Variants in DNAH5 observed in about 807,000 individuals in gnomAD.
DNAH5 encodes dynein axonemal heavy chain 5.
A neutral mutation model predicts 518.2 loss-of-function variants in DNAH5; 372 were observed. That is an observed-to-expected ratio of 0.72 (90% confidence interval 0.66 to 0.78). The LOEUF is 0.78. Ranked by LOEUF, DNAH5 falls within the 30% of genes least tolerant of loss-of-function variation. DNAH5 has a pLI of 0.00. For synonymous variants in DNAH5, 2,039 were observed against 2,025.9 expected, an observed-to-expected ratio of 1.01 and a Z score of -0.17; for missense variants, 5,523 against 5,687.0, an observed-to-expected ratio of 0.97 and a Z score of 0.93.
intron 1 of DNAH5, among the ~76,000 whole-genome samples, chr5:14,009,233 C>T (rs1309163432): frequency 1.3e-5 from 2 of 152,160 alleles, no homozygotes; most frequent in African/African-American, 4.8e-5. Flanking sequence ...AAGAGCTTAG[C>T]GTGACTAAAG....
intron 1 of DNAH5, among the ~76,000 whole-genome samples, chr5:13,975,437 G>A (rs1179245159): frequency 6.6e-6 from 1 of 152,212 alleles, no homozygotes; most frequent in Non-Finnish European, 1.5e-5. Flanking sequence ...AACAACAGAT[G>A]CCAGCCCATA....
At chr5:14,007,854 T>C (rs1784823906) in intron 1 of DNAH5, among the ~76,000 whole-genome samples, 1 of 151,938 alleles carries the variant, frequency 6.6e-6, no homozygotes, top group African/African-American at 2.4e-5. Context: ...AAAGGGGAAT[T>C]TGAAAAAAAG....
At chr5:13,906,956 A>AG (rs1775384884) in intron 12 of DNAH5, among the ~76,000 whole-genome samples, 1 of 152,224 alleles carries the variant, frequency 6.6e-6, no homozygotes, top group Non-Finnish European at 1.5e-5. Flanking sequence ...CAAAGAAAGA[A>AG]GAAAAAAATG....
chr5:13,962,719 T>C (rs1322052239), intron 1 of DNAH5, among the ~76,000 whole-genome samples: 1 of 152,156 alleles, frequency 6.6e-6, no homozygotes, highest in Non-Finnish European at 1.5e-5. Flanking sequence ...ATAAAGGGGA[T>C]GGAACGGGTT....
At chr5:13,817,085 T>G (rs1194415074) in intron 42 of DNAH5, among the ~76,000 whole-genome samples, 1 of 152,238 alleles carries the variant, frequency 6.6e-6, no homozygotes, top group Non-Finnish European at 1.5e-5. Context: ...ACAGAATAAT[T>G]TATTAGTTCA....
intron 69 of DNAH5, 125 bp from the exon 70 acceptor site, chr5:13,727,781 T>G: frequency 9.3e-7 from 1 of 1,071,816 alleles, no homozygotes; most frequent in Non-Finnish European, 1.4e-6. Flanking sequence ...CCTTGGCTAT[T>G]TTTTTATTTT....
chr5:13,732,426 G>A (rs1369249979), intron 68 of DNAH5, among the ~76,000 whole-genome samples: 3 of 152,116 alleles, frequency 2.0e-5, no homozygotes. Context: ...GAGTGCAGTG[G>A]CGCAATCTCG....
chr5:13,848,234 T>C (rs1766317134), intron 31 of DNAH5, among the ~76,000 whole-genome samples: 2 of 152,216 alleles, frequency 1.3e-5, no homozygotes, highest in African/African-American at 2.4e-5. Flanking sequence ...TCTAAATCTT[T>C]ATGTTAGAAG....
rs10078391 is a variant in DNAH5 at position 13,811,666 on chromosome 5, T to C, written c.7388A>G (p.Gln2463Arg). 0.21 allele frequency: 338,276 copies of C among 1,613,578 alleles called. 38,153 individuals are homozygous for C. The highest frequency in any genetic ancestry group is 0.5 in the East Asian group (22,562 of 44,836). The change falls in exon 44 of 79, where the codon CAA becomes CGA. Residue 2463 changes from glutamine to arginine, a missense_variant. Transcript: ENST00000265104. ...ATTTACCTTCAGAGGAATCAGGCCT[T>C]GAAGCATGTTAATGCTCTGTGTGAT... ...FVITQSINML[Q>R]GLIPLKEQGG...
chr5:13,728,711 G>A (rs1285014938), intron 69 of DNAH5, among the ~76,000 whole-genome samples: 1 of 152,146 alleles, frequency 6.6e-6, no homozygotes, highest in East Asian at 1.9e-4. Flanking sequence ...AGGAAGTCAA[G>A]AACCAACTTT....
At position 13,770,750 on chromosome 5, in the gene DNAH5, T is replaced by C. The variant is rs1198583000; in HGVS notation, c.9604A>G (p.Arg3202Gly). The part of the protein sequence containing the change: ...KHVEVRTLAN[R>G]MNTGLEKLKE... Reference sequence around the variant, plus strand: ...TTTGTATAAGAACATCACACTTACCTGTTGGCCAGGGTCCGCACCTCCACA... The same window carrying C: ...TTTGTATAAGAACATCACACTTACCCGTTGGCCAGGGTCCGCACCTCCACA... The change falls in exon 56 of 79, where the codon AGA becomes GGA. Residue 3202 changes from arginine to glycine, a missense_variant and splice_region_variant. By Grantham distance (125) the Arg-to-Gly change is moderately radical. Around this residue, in one of 3 missense-constraint regions of DNAH5, gnomAD observed 5,121 missense variants for 5,223.3 expected, o/e 0.98. Transcript: ENST00000265104. The C allele has an allele frequency of 1.2e-6, 2 of 1,613,016 alleles. No individual in the cohort carries two copies. The highest frequency in any genetic ancestry group is 2.7e-5 in the African/African-American group (2 of 74,892).
Position 13,886,181 on chromosome 5 carries a change from T to C in DNAH5, c.2578-52A>G, listed in dbSNP as rs905176784. The C allele has an allele frequency of 5.3e-6, 8 of 1,518,654 alleles. No individual in the cohort carries two copies. The Admixed American group carries it at 7.8e-5, about 15-fold the overall frequency. 94.1% of individuals were successfully genotyped at this position (1,518,654 alleles called of 1,614,324 possible). ...ATAGCACAGTGGTATATGGTTTATC[T>C]AGCTTTTGAGAGCACAGAAACAGTG... is the stretch of plus-strand genomic sequence containing the variant. On this transcript the variant is annotated intron_variant, in intron 17 of 78. Transcript: ENST00000265104.
chr5:13,954,446 C>G (rs1037971934), intron 1 of DNAH5, among the ~76,000 whole-genome samples: 1 of 152,188 alleles, frequency 6.6e-6, no homozygotes, highest in Non-Finnish European at 1.5e-5. Flanking sequence ...TTTCATAAAA[C>G]TCAGTTTTGA....
chr5:13,942,886 C>T (rs1027427405), intron 1 of DNAH5, among the ~76,000 whole-genome samples: 1 of 152,226 alleles, frequency 6.6e-6, no homozygotes, highest in Non-Finnish European at 1.5e-5. Flanking sequence ...TAAAGTCTTA[C>T]TTTACCATGC....
chr5:13,887,495 C>G (rs1426265453), intron 17 of DNAH5, among the ~76,000 whole-genome samples: 1 of 152,160 alleles, frequency 6.6e-6, no homozygotes, highest in African/African-American at 2.4e-5. Context: ...TTCATTTCAA[C>G]AACTAACCTC....
rs1554104142 is a variant in DNAH5, at chr5:13,921,756, CCA to C, written c.660+349_660+350del. 1.7e-4 allele frequency among the ~76,000 whole-genome samples: 24 copies of C among 145,270 alleles called. No individual in the cohort carries two copies. The South Asian group carries it at 2.3e-3, about 14-fold the overall frequency. On this transcript the variant is annotated intron_variant, in intron 5 of 78. Transcript: ENST00000265104. ...CCATCTGCCGCCCACACACACCCCCCCACACACACACACACTTCAGTTCCAAA... is the reference window on the plus strand; with the variant it reads ...CCATCTGCCGCCCACACACACCCCCCCACACACACACACTTCAGTTCCAAA...
chr5:13,970,211 T>C (rs549504925), intron 1 of DNAH5, among the ~76,000 whole-genome samples: 2 of 152,328 alleles, frequency 1.3e-5, no homozygotes, highest in African/African-American at 4.8e-5. Context: ...CTCTTGAAGA[T>C]AAGAGATACT....
In DNAH5 at chr5:13,799,249, T is replaced by A. The variant is rs1295055999; in HGVS notation, c.7888-5191A>T. On this transcript the variant is annotated intron_variant, in intron 47 of 78. Transcript: ENST00000265104. The stretch of plus-strand genomic sequence containing the variant: ...GCAAAATTGTTTGCATTTGCTAAAT[T>A]TGCTCTTCTTTTCAATGAATTGAAA... 1.4e-4 allele frequency among the ~76,000 whole-genome samples: 20 copies of A among 146,404 alleles called. 1 individual carries two copies. The highest frequency in any genetic ancestry group is 3.0e-5 in the Non-Finnish European group (2 of 66,650).
intron 52 of DNAH5, among the ~76,000 whole-genome samples, chr5:13,783,015 G>A (rs1403739193): frequency 2.0e-5 from 3 of 152,182 alleles, no homozygotes; most frequent in Non-Finnish European, 2.9e-5. Context: ...GGTGAGCACT[G>A]GCACAGAGAC....
Sources: gnomAD v4.1 joint callset for allele counts (sites outside exome capture counted in the v4.1 genomes callset) on GRCh38, gnomAD v4.1.1 for gene constraint, gnomAD v4.1.1 regional missense constraint, MANE v1.5 for transcripts, NCBI Gene and HGNC (gene_info 2026-07-23, HGNC 2026-07-21) for gene names.